Variants in CHCHD3 observed in about 807,000 individuals in gnomAD.
The protein encoded by CHCHD3 is MICOS complex subunit MIC19.
CHCHD3 carries 20 observed loss-of-function variants against 38.2 expected under a neutral mutation model. The observed-to-expected ratio is 0.52, with a 90% confidence interval of 0.37 to 0.76. CHCHD3 has a LOEUF of 0.76. Ranked by LOEUF, CHCHD3 falls within the 30% of genes least tolerant of loss-of-function variation. The pLI is 0.00. For synonymous variants in CHCHD3, 82 were observed against 100.0 expected, an observed-to-expected ratio of 0.82 and a Z score of 1.07; for missense variants, 245 against 279.2, an observed-to-expected ratio of 0.88 and a Z score of 0.87.
chr7:132,944,216 C>A (rs927707284), intron 4 of CHCHD3, among the ~76,000 whole-genome samples: 1 of 151,970 alleles, frequency 6.6e-6, no homozygotes, highest in African/African-American at 2.4e-5. Context: ...CTTGGTGACA[C>A]AGGGTGCCTT....
chr7:132,820,580 T>C (rs1348776200), intron 6 of CHCHD3, among the ~76,000 whole-genome samples: 1 of 151,344 alleles, frequency 6.6e-6, no homozygotes, highest in Non-Finnish European at 1.5e-5. Flanking sequence ...TAAACACACA[T>C]GTATGCACAA....
At chr7:133,067,040 A>C (rs1814689585) in intron 2 of CHCHD3, among the ~76,000 whole-genome samples, 1 of 152,234 alleles carries the variant, frequency 6.6e-6, no homozygotes, top group Admixed American at 6.5e-5. Flanking sequence ...ATTGCTCACC[A>C]GCTGTGTGAC....
chr7:132,883,712 G>A (rs777885893), intron 5 of CHCHD3, among the ~76,000 whole-genome samples: 1 of 152,156 alleles, frequency 6.6e-6, no homozygotes, highest in Non-Finnish European at 1.5e-5. Context: ...GAAACCAAAT[G>A]TGGTGTGCAA....
chr7:132,956,572 G>A (rs1811174868), intron 4 of CHCHD3, among the ~76,000 whole-genome samples: 2 of 152,198 alleles, frequency 1.3e-5, no homozygotes, highest in African/African-American at 4.8e-5. Flanking sequence ...ACAATATAAT[G>A]TCATTATAAT....
intron 4 of CHCHD3, among the ~76,000 whole-genome samples, chr7:132,928,455 G>A (rs1460142914): frequency 1.3e-5 from 2 of 152,078 alleles, no homozygotes; most frequent in East Asian, 1.9e-4. Flanking sequence ...CCAGCACTTC[G>A]GGAGGCCAAG....
At chr7:133,030,012 GAAA>G (rs201845501) in intron 2 of CHCHD3, among the ~76,000 whole-genome samples, 1 of 136,356 alleles carries the variant, frequency 7.3e-6, no homozygotes, top group Non-Finnish European at 1.6e-5. Context: ...TCCAGAAAAG[GAAA>G]AAAAAAAAAA....
intron 3 of CHCHD3, among the ~76,000 whole-genome samples, chr7:132,995,315 A>C (rs1812385691): frequency 6.6e-6 from 1 of 152,192 alleles, no homozygotes; most frequent in Admixed American, 6.5e-5. Flanking sequence ...AACACCCATG[A>C]AGCCATCACT....
intron 6 of CHCHD3, among the ~76,000 whole-genome samples, chr7:132,811,039 C>A (rs1007202156): frequency 6.6e-6 from 1 of 152,138 alleles, no homozygotes; most frequent in African/African-American, 2.4e-5. Flanking sequence ...CCTTTCCACC[C>A]TTGGCTAATG....
At chr7:132,974,513 C>T (rs769993013) in intron 4 of CHCHD3, among the ~76,000 whole-genome samples, 5 of 152,080 alleles carry the variant, frequency 3.3e-5, no homozygotes, top group Non-Finnish European at 7.4e-5. Context: ...TTGCCAGCCA[C>T]GAGAGAAAGA....
At chr7:132,792,848 G>A (rs962394307) in intron 7 of CHCHD3, among the ~76,000 whole-genome samples, 1 of 152,200 alleles carries the variant, frequency 6.6e-6, no homozygotes, top group African/African-American at 2.4e-5. Context: ...TGTGCCAGAA[G>A]GGTCCAGCCA....
chr7:133,039,771 CA>C (rs968898854), intron 2 of CHCHD3, among the ~76,000 whole-genome samples: 2 of 152,218 alleles, frequency 1.3e-5, no homozygotes, highest in Non-Finnish European at 2.9e-5. Flanking sequence ...TGGTTGAGCA[CA>C]TGGCTGGTCA....
chr7:132,853,359 G>A (rs538584145), intron 5 of CHCHD3, among the ~76,000 whole-genome samples: 5 of 152,126 alleles, frequency 3.3e-5, no homozygotes, highest in Admixed American at 2.6e-4. Flanking sequence ...TAAGAACTAC[G>A]GTGTAATCCC....
At chr7:133,056,812 A>G (rs1181450852) in intron 2 of CHCHD3, among the ~76,000 whole-genome samples, 2 of 152,214 alleles carry the variant, frequency 1.3e-5, no homozygotes, top group Admixed American at 1.3e-4. Flanking sequence ...TTTAGTCTCC[A>G]TGGCAACCAT....
chr7:133,072,263 TA>T (rs34730303), intron 1 of CHCHD3, among the ~76,000 whole-genome samples: 83,310 of 150,590 alleles, frequency 0.55, 23,610 homozygotes, highest in South Asian at 0.64. Flanking sequence ...TAATAAACTT[TA>T]AAAAAAAAAA....
intron 5 of CHCHD3, among the ~76,000 whole-genome samples, chr7:132,858,663 T>G (rs1413816560): frequency 6.6e-6 from 1 of 152,194 alleles, no homozygotes; most frequent in Non-Finnish European, 1.5e-5. Context: ...AGTTTGTATG[T>G]TAGAAAACTA....
At chr7:132,905,451 G>C (rs867969753) in intron 4 of CHCHD3, among the ~76,000 whole-genome samples, 14 of 152,008 alleles carry the variant, frequency 9.2e-5, no homozygotes, top group Middle Eastern at 3.2e-3. Flanking sequence ...CCTGCTGGGG[G>C]GCTGTCGGGA....
At chr7:132,883,137 G>C (rs1809113097) in intron 5 of CHCHD3, among the ~76,000 whole-genome samples, 2 of 152,126 alleles carry the variant, frequency 1.3e-5, no homozygotes, top group African/African-American at 4.8e-5. Context: ...GGAGAACTGT[G>C]GGTCAATTAA....
chr7:133,014,667 A>AT (rs1383349774), intron 3 of CHCHD3, among the ~76,000 whole-genome samples: 4 of 139,160 alleles, frequency 2.9e-5, no homozygotes, highest in Non-Finnish European at 6.5e-5. Context: ...CCAGTCTTCC[A>AT]TTTTAAAAAA....
intron 3 of CHCHD3, among the ~76,000 whole-genome samples, chr7:132,985,325 G>C: frequency 1.5e-5 from 1 of 68,272 alleles, no homozygotes. Flanking sequence ...GCCCCTACTG[G>C]GAAGTGAGGA....
Sources: allele counts gnomAD v4.1 joint callset (sites outside exome capture counted in the v4.1 genomes callset), GRCh38; gene constraint gnomAD v4.1.1; transcripts MANE v1.5; gene names NCBI Gene and HGNC (gene_info 2026-07-23, HGNC 2026-07-21).